The following CDH18 variants were observed in gnomAD, a reference collection of about 807,000 sequenced individuals.
CDH18 encodes cadherin-18.
In CDH18, 31 loss-of-function variants were observed where a neutral mutation model predicts 67.9. The observed-to-expected ratio is 0.46, with a 90% CI of 0.34 to 0.62. The LOEUF (loss-of-function observed/expected upper bound fraction) is 0.62. Among genes scored for constraint, CDH18 ranks in the 20% least tolerant of loss-of-function variants. The pLI is 0.01. For synonymous variants in CDH18, 362 were observed against 347.2 expected (o/e 1.04, Z -0.48); for missense variants, 890 against 975.5 (o/e 0.91, Z 1.17).
At chr5:20,471,925 TA>T in intron 1 of CDH18, among the ~76,000 whole-genome samples, 2 of 152,364 alleles carry the variant, frequency 1.3e-5, no homozygotes, top group Non-Finnish European at 1.5e-5. Flanking sequence ...TCCATTCTCA[TA>T]TCTCAGGCAA....
chr5:20,485,506 TTATAAA>T (rs1255446207), intron 1 of CDH18, among the ~76,000 whole-genome samples: 1 of 152,170 alleles, frequency 6.6e-6, no homozygotes, highest in African/African-American at 2.4e-5. Context: ...TTTTTGTGCA[TTATAAA>T]TATAAGTGCT....
chr5:19,565,317 C>T (rs1457965207), intron 8 of CDH18, among the ~76,000 whole-genome samples: 5 of 152,156 alleles, frequency 3.3e-5, no homozygotes, highest in African/African-American at 7.2e-5. Context: ...TATGTCACTC[C>T]TCTGCTGAGC....
At chr5:19,913,383 C>G (rs913679882) in intron 2 of CDH18, among the ~76,000 whole-genome samples, 3 of 151,952 alleles carry the variant, frequency 2.0e-5, no homozygotes, top group African/African-American at 4.8e-5. Flanking sequence ...AACAGGAAAG[C>G]GAAGAAGATA....
rs377247923 is a variant in CDH18 at position 20,203,222 on chromosome 5, T to A, written c.-518+52222A>T. Among the ~76,000 whole-genome samples, 11 of 152,276 alleles carry A rather than the reference T, an allele frequency of 7.2e-5. No homozygotes were observed. The South Asian group carries it at 2.3e-3, about 32-fold the overall frequency. On this transcript the variant is annotated intron_variant, in intron 2 of 14. Transcript: ENST00000507958. ...TTGCCTAGCAGGAGACCTATCCATG[T>A]TTCAATTCGTGGGAAGCATTGCAAG...
chr5:20,114,858 G>C (rs1011960331), intron 2 of CDH18, among the ~76,000 whole-genome samples: 2 of 152,012 alleles, frequency 1.3e-5, no homozygotes, highest in African/African-American at 4.8e-5. Flanking sequence ...AAGAAATTAA[G>C]AATATAAAAA....
At chr5:19,612,786 C>T (rs1749203321) in intron 5 of CDH18, among the ~76,000 whole-genome samples, 185 bp from the exon 6 acceptor site, 1 of 152,018 alleles carries the variant, frequency 6.6e-6, no homozygotes, top group Admixed American at 6.6e-5. Context: ...TTTACTTATC[C>T]CATGCCCCAA....
chr5:20,225,747 A>T (rs1042433599), intron 2 of CDH18, among the ~76,000 whole-genome samples: 4 of 152,104 alleles, frequency 2.6e-5, no homozygotes, highest in Non-Finnish European at 5.9e-5. Flanking sequence ...CTGGGAGCAA[A>T]ATGGATGCCT....
At chr5:19,961,259 C>T (rs1260524386) in intron 2 of CDH18, among the ~76,000 whole-genome samples, 1 of 151,696 alleles carries the variant, frequency 6.6e-6, no homozygotes, top group African/African-American at 2.4e-5. Flanking sequence ...CACACCACAA[C>T]ACCAGCACGC....
intron 1 of CDH18, among the ~76,000 whole-genome samples, chr5:20,556,152 A>G (rs1757895455): frequency 6.6e-6 from 1 of 152,298 alleles, no homozygotes; most frequent in East Asian, 1.9e-4. Context: ...GCTGAAGAAA[A>G]AGTCTGATTT....
At chr5:20,349,765 G>T (rs1741012186) in intron 1 of CDH18, among the ~76,000 whole-genome samples, 1 of 152,046 alleles carries the variant, frequency 6.6e-6, no homozygotes, top group Admixed American at 6.6e-5. Flanking sequence ...CATTTTGTCA[G>T]ACCTAAGAAG....
chr5:19,892,500 GAC>G (rs1288512680), intron 2 of CDH18, among the ~76,000 whole-genome samples: 3 of 152,028 alleles, frequency 2.0e-5, no homozygotes, highest in African/African-American at 7.2e-5. Flanking sequence ...TTAGCTAAGA[GAC>G]AGTCTCCAAC....
chr5:20,477,944 G>A (rs1010289729), intron 1 of CDH18, among the ~76,000 whole-genome samples: 1 of 152,150 alleles, frequency 6.6e-6, no homozygotes, highest in African/African-American at 2.4e-5. Context: ...ACAGAGTCCT[G>A]AGGCCCCTAT....
chr5:19,889,033 T>A (rs185033324), intron 2 of CDH18, among the ~76,000 whole-genome samples: 1 of 152,232 alleles, frequency 6.6e-6, no homozygotes, highest in African/African-American at 2.4e-5. Flanking sequence ...TATATGCACA[T>A]CCTCCCATAT....
chr5:19,487,945 C>T (rs1268634028), intron 11 of CDH18, among the ~76,000 whole-genome samples: 1 of 152,112 alleles, frequency 6.6e-6, no homozygotes, highest in Non-Finnish European at 1.5e-5. Context: ...GGGGCTATTT[C>T]ACAAAAATAT....
chr5:19,598,186 CTT>C (rs1170020891), intron 6 of CDH18, among the ~76,000 whole-genome samples: 9 of 152,156 alleles, frequency 5.9e-5, no homozygotes, highest in African/African-American at 9.7e-5. Context: ...ACAGACTTAT[CTT>C]TCACTTTTTT....
intron 5 of CDH18, among the ~76,000 whole-genome samples, chr5:19,679,275 A>G (rs1372411089): frequency 6.6e-6 from 1 of 152,030 alleles, no homozygotes; most frequent in Non-Finnish European, 1.5e-5. Flanking sequence ...GAAAATTCTC[A>G]ACAAACTAGG....
chr5:20,108,767 T>C (rs1338950149), intron 2 of CDH18, among the ~76,000 whole-genome samples: 2 of 152,160 alleles, frequency 1.3e-5, no homozygotes, highest in Non-Finnish European at 2.9e-5. Context: ...CCTTATCATA[T>C]GTCACAGATT....
At chr5:19,779,365 A>C (rs187443039) in intron 3 of CDH18, among the ~76,000 whole-genome samples, 415 of 152,282 alleles carry the variant, frequency 2.7e-3, no homozygotes, top group Middle Eastern at 6.8e-3. Flanking sequence ...TGGAGACATT[A>C]AGAAAATTGA....
chr5:20,241,837 G>A (rs1458279990), intron 2 of CDH18, among the ~76,000 whole-genome samples: 2 of 137,766 alleles, frequency 1.5e-5, no homozygotes, highest in Non-Finnish European at 3.0e-5. Context: ...GGGCGACAGA[G>A]GGAGACCCTG....
Sources: gnomAD v4.1 joint callset for allele counts (sites outside exome capture counted in the v4.1 genomes callset) on GRCh38, gnomAD v4.1.1 for gene constraint, MANE v1.5 for transcripts, NCBI Gene and HGNC (gene_info 2026-07-23, HGNC 2026-07-21) for gene names.